The following CEP152 variants were observed in gnomAD, a reference collection of about 807,000 sequenced individuals.
The protein encoded by CEP152 is centrosomal protein 152, also known as centrosomal protein of 152 kDa.
CEP152 carries 132 observed loss-of-function variants against 188.9 expected under a neutral mutation model. The ratio of observed to expected loss-of-function variants is 0.70; its 90% CI spans 0.61 to 0.81. The LOEUF (loss-of-function observed/expected upper bound fraction) is 0.81, where lower values mean the gene tolerates loss of function less well. CEP152 is among the 30% of genes least tolerant of loss of function. CEP152 has a pLI of 0.00. For synonymous variants in CEP152, 649 were observed against 666.6 expected (o/e 0.97, Z 0.41); for missense variants, 1,914 against 1,969.8 (o/e 0.97, Z 0.54).
intron 9 of CEP152, among the ~76,000 whole-genome samples, chr15:48,788,600 C>T (rs1397729578): frequency 6.6e-6 from 1 of 152,024 alleles, no homozygotes; most frequent in Non-Finnish European, 1.5e-5. Flanking sequence ...CTGCCTTGGC[C>T]TCCCAAAGTA....
At chr15:48,769,174 T>A in intron 13 of CEP152, 93 bp from the exon 14 acceptor site, 1 of 1,024,960 alleles carries the variant, frequency 9.8e-7, no homozygotes, top group Non-Finnish European at 1.5e-6. Flanking sequence ...TTGCAAACAG[T>A]ACAAATAATC....
At chr15:48,739,603 C>A (rs1261037234) in intron 26 of CEP152, among the ~76,000 whole-genome samples, 1 of 152,148 alleles carries the variant, frequency 6.6e-6, no homozygotes, top group East Asian at 1.9e-4. Context: ...ATTTCAAGAT[C>A]CAGCCACAAT....
chr15:48,802,266 A>G (rs1897711652), intron 2 of CEP152, among the ~76,000 whole-genome samples: 1 of 152,196 alleles, frequency 6.6e-6, no homozygotes, highest in Admixed American at 6.5e-5. Flanking sequence ...GCTTTGGATG[A>G]TATCTCCTTC....
At chr15:48,758,511 G>C (rs1241175550) in intron 19 of CEP152, among the ~76,000 whole-genome samples, 2 of 151,982 alleles carry the variant, frequency 1.3e-5, no homozygotes, top group Non-Finnish European at 2.9e-5. Context: ...CTGAGATCAG[G>C]AGTTCAAGAC....
At chr15:48,806,712 A>G (rs1029704952) in intron 1 of CEP152, among the ~76,000 whole-genome samples, 1 of 152,252 alleles carries the variant, frequency 6.6e-6, no homozygotes, top group African/African-American at 2.4e-5. Flanking sequence ...TACGAACTAT[A>G]TCACAAACTT....
At chr15:48,757,780 A>G (rs937981767) in intron 19 of CEP152, among the ~76,000 whole-genome samples, 1 of 152,240 alleles carries the variant, frequency 6.6e-6, no homozygotes, top group Non-Finnish European at 1.5e-5. Context: ...AATTCACTGC[A>G]AAATTCCTTT....
In CEP152 at chr15:48,784,035, A is replaced by G; in HGVS notation, c.1259T>C (p.Ile420Thr). 6.2e-7 allele frequency: 1 copy of G among 1,613,816 alleles called. No homozygotes were observed. Among genetic ancestry groups the G allele is most frequent in the Middle Eastern group, 1.7e-4 (1 of 6,060 alleles). The change falls in exon 10 of 27, where the codon ATT becomes ACT. Residue 420 changes from isoleucine to threonine, a missense_variant. Ile to Thr is a moderately conservative substitution (Grantham distance 89). Transcript: ENST00000380950. ...EAIKLEKTEIINKLTRSLEES... is the reference protein window; with the variant it reads ...EAIKLEKTEITNKLTRSLEES... ...CTCTAGACTTCTTGTCAACTTATTA[A>G]TGATCTCAGTCTTTTCTAACTTGAT...
At chr15:48,774,337 G>A (rs1302229234) in intron 12 of CEP152, among the ~76,000 whole-genome samples, 1 of 152,080 alleles carries the variant, frequency 6.6e-6, no homozygotes, top group Non-Finnish European at 1.5e-5. Flanking sequence ...CTAATTTGAT[G>A]AAAATGAAAA....
chr15:48,785,223 A>G (rs1567016618), intron 9 of CEP152, among the ~76,000 whole-genome samples: 1 of 152,232 alleles, frequency 6.6e-6, no homozygotes, highest in Non-Finnish European at 1.5e-5. Flanking sequence ...ACTACCTTGA[A>G]GCAAAGAGAC....
intron 11 of CEP152, among the ~76,000 whole-genome samples, chr15:48,781,850 C>A (rs1295408944): frequency 6.6e-6 from 1 of 152,150 alleles, no homozygotes; most frequent in Non-Finnish European, 1.5e-5. Context: ...ACATTCCCCA[C>A]CCCCATAGAT....
chr15:48,803,310 T>C (rs1369102055), intron 2 of CEP152, among the ~76,000 whole-genome samples: 1 of 152,194 alleles, frequency 6.6e-6, no homozygotes, highest in Non-Finnish European at 1.5e-5. Context: ...TCAGGAAGAC[T>C]GAGACAGTTA....
At chr15:48,733,027 G>A (rs1472743099), downstream of CEP152, among the ~76,000 whole-genome samples, 1 of 152,064 alleles carries the variant, frequency 6.6e-6, no homozygotes, top group African/African-American at 2.4e-5. Context: ...GGAGTTCAAG[G>A]CTGCCATGAC....
At chr15:48,787,534 A>G (rs993107207) in intron 9 of CEP152, among the ~76,000 whole-genome samples, 26 of 152,148 alleles carry the variant, frequency 1.7e-4, no homozygotes, top group Admixed American at 4.6e-4. Flanking sequence ...TTTATATAAA[A>G]TAAATACATA....
rs1486079906 is a variant in CEP152 at position 48,762,383 on chromosome 15, C to A, written c.2562+8G>T. 1 of 1,612,756 alleles carries A rather than the reference C, an allele frequency of 6.2e-7. No homozygotes were observed. ...CAATAAATTTACTAGAATAAATCTG[C>A]CTTTTACCTGTTTGGTAATATTTTC... On this transcript the variant is annotated splice_region_variant and intron_variant, in intron 18 of 26. Transcript: ENST00000380950.
At chr15:48,799,027 T>C (rs1285457773) in intron 2 of CEP152, among the ~76,000 whole-genome samples, 1 of 152,202 alleles carries the variant, frequency 6.6e-6, no homozygotes, top group African/African-American at 2.4e-5. Context: ...TGTTTCTAAT[T>C]ACTTCTCTTT....
rs756253532 is a variant in CEP152, at chr15:48,756,384, T to G, written c.2864A>C (p.Lys955Thr). 6.2e-7 allele frequency: 1 copy of G among 1,604,642 alleles called. No homozygotes were observed. The highest frequency in any genetic ancestry group is 8.5e-7 in the Non-Finnish European group (1 of 1,175,254). The change falls in exon 20 of 27, where the codon AAG becomes ACG. Residue 955 changes from lysine to threonine, a missense_variant. Transcript: ENST00000380950. The stretch of plus-strand genomic sequence containing the variant: ...TTCTTTGTTCCATTCACTCCGAGCC[T>G]TAGCTAACTCAGCCCTGATGACCAC... ...VPVVIRAELA[K>T]ARSEWNKEKQ...
chr15:48,741,436 G>T (rs1228905077), intron 26 of CEP152, 165 bp downstream of exon 26: 2 of 1,477,550 alleles, frequency 1.4e-6, no homozygotes, highest in Non-Finnish European at 1.8e-6. Context: ...ACTTAAATTG[G>T]AAACTGTGTA....
At chr15:48,733,869 G>A (rs2140528435), downstream of CEP152, among the ~76,000 whole-genome samples, 1 of 152,232 alleles carries the variant, frequency 6.6e-6, no homozygotes, top group Admixed American at 6.5e-5. Context: ...CAAAATGCTG[G>A]AGGAAAAAAG....
Position 48,793,318 on chromosome 15 carries a change from T to C in CEP152, c.832+3A>G. On this transcript the variant is annotated splice_donor_region_variant and intron_variant, in intron 7 of 26. Transcript: ENST00000380950. ...TCATAAATGACAGCATCCAGCATCT[T>C]ACCTTTTATTATTACAAGCTGGTGA... 6.2e-7 allele frequency: 1 copy of C among 1,613,828 alleles called. No homozygotes were observed. The highest frequency in any genetic ancestry group is 8.5e-7 in the Non-Finnish European group (1 of 1,179,874).
Sources: gnomAD v4.1 joint callset for allele counts (sites outside exome capture counted in the v4.1 genomes callset) on GRCh38, gnomAD v4.1.1 for gene constraint, MANE v1.5 for transcripts, NCBI Gene and HGNC (gene_info 2026-07-23, HGNC 2026-07-21) for gene names.